Variants in PDE4D observed in about 807,000 individuals in gnomAD.
PDE4D encodes the protein phosphodiesterase 4D, also known as 3',5'-cyclic-AMP phosphodiesterase 4D.
A neutral mutation model predicts 87.4 loss-of-function variants in PDE4D; 24 were observed. The observed-to-expected ratio is 0.27, with a 90% CI of 0.20 to 0.39. The LOEUF (loss-of-function observed/expected upper bound fraction) is 0.39, where lower values mean the gene tolerates loss of function less well. PDE4D is among the 10% of genes least tolerant of loss of function. PDE4D has a pLI of 1.00. For synonymous variants in PDE4D, 384 were observed against 383.2 expected, an observed-to-expected ratio of 1.00 and a Z score of -0.02; for missense variants, 714 against 1,041.0, an observed-to-expected ratio of 0.69 and a Z score of 4.32.
intron 2 of PDE4D, among the ~76,000 whole-genome samples, chr5:60,038,415 G>A (rs144525737): frequency 0.02 from 3,100 of 152,098 alleles, 35 homozygotes; most frequent in Non-Finnish European, 0.026. Flanking sequence ...TCTCAGGTTC[G>A]TCAAAGATCA....
chr5:59,308,521 CT>C (rs1161762552), intron 1 of PDE4D, among the ~76,000 whole-genome samples: 1 of 151,896 alleles, frequency 6.6e-6, no homozygotes, highest in Non-Finnish European at 1.5e-5. Flanking sequence ...AAATTCTTGG[CT>C]GATAATTGTT....
At chr5:59,471,514 T>A (rs1252709467) in intron 1 of PDE4D, among the ~76,000 whole-genome samples, 1 of 152,246 alleles carries the variant, frequency 6.6e-6, no homozygotes, top group Admixed American at 6.5e-5. Flanking sequence ...GGGGTAAAGA[T>A]AAACTATTAA....
chr5:59,885,392 T>C (rs2152749034), intron 1 of PDE4D, among the ~76,000 whole-genome samples: 1 of 152,304 alleles, frequency 6.6e-6, no homozygotes, highest in Non-Finnish European at 1.5e-5. Context: ...CTTATCTGTC[T>C]GAAGTGTTGC....
At chr5:59,777,624 G>T (rs1187850938) in intron 1 of PDE4D, among the ~76,000 whole-genome samples, 1 of 152,132 alleles carries the variant, frequency 6.6e-6, no homozygotes, top group East Asian at 1.9e-4. Flanking sequence ...TGCTCCATAT[G>T]TATCTTGGCC....
chr5:59,558,878 A>G (rs1819447791), intron 1 of PDE4D: 1 of 152,230 alleles, frequency 6.6e-6, no homozygotes, highest in Non-Finnish European at 1.5e-5. Flanking sequence ...TGAATGTCCA[A>G]TTTTAGAAGT....
At chr5:59,668,849 GA>G (rs1381759401) in intron 1 of PDE4D, among the ~76,000 whole-genome samples, 579 of 35,566 alleles carry the variant, frequency 0.016, 14 homozygotes, top group African/African-American at 0.055. Context: ...GGAAGAGGAA[GA>G]AGAAGAAGAA....
At position 59,058,660 on chromosome 5, in the gene PDE4D, C is replaced by A. The variant is rs184355862; in HGVS notation, c.809-19689G>T. ...CCTCCCCTTGGAAATCTGGGTACTA[C>A]CCTCTACCGGGGGCTTTCCACTATG... On this transcript the variant is annotated intron_variant, in intron 5 of 14. Transcript: ENST00000340635. 1.3e-3 allele frequency among the ~76,000 whole-genome samples: 193 copies of A among 152,252 alleles called. 1 individual carries two copies. Among genetic ancestry groups the A allele is most frequent in the African/African-American group, 4.4e-3 (183 of 41,530 alleles).
chr5:60,298,337 GA>G (rs992608849), intron 1 of PDE4D, among the ~76,000 whole-genome samples: 2 of 151,850 alleles, frequency 1.3e-5, no homozygotes, highest in Non-Finnish European at 2.9e-5. Flanking sequence ...ATTTGGAAGA[GA>G]AAAAAAATCT....
chr5:60,267,159 T>G (rs1450254984), intron 1 of PDE4D, among the ~76,000 whole-genome samples: 1 of 152,000 alleles, frequency 6.6e-6, no homozygotes. Context: ...ACATTAGAAA[T>G]ATGATTGGGA....
chr5:60,371,057 T>C (rs1379668759), intron 1 of PDE4D, among the ~76,000 whole-genome samples: 3 of 152,168 alleles, frequency 2.0e-5, no homozygotes, highest in Non-Finnish European at 4.4e-5. Context: ...TATGATTTGA[T>C]TAAAATGATA....
intron 1 of PDE4D, among the ~76,000 whole-genome samples, chr5:59,436,158 T>G (rs573378819): frequency 1.3e-5 from 2 of 152,336 alleles, no homozygotes; most frequent in East Asian, 3.9e-4. Flanking sequence ...CTTTTCTTGT[T>G]AATCTACTCT....
intron 1 of PDE4D, among the ~76,000 whole-genome samples, chr5:59,631,517 G>A (rs1831557788): frequency 6.6e-6 from 1 of 152,134 alleles, no homozygotes; most frequent in Non-Finnish European, 1.5e-5. Flanking sequence ...ACAGAAGGCA[G>A]GTGATTTCAG....
chr5:60,331,931 G>C (rs546024841), intron 1 of PDE4D, among the ~76,000 whole-genome samples: 1 of 152,212 alleles, frequency 6.6e-6, no homozygotes, highest in Non-Finnish European at 1.5e-5. Flanking sequence ...GCCTTTTCTT[G>C]CTTTGAAACT....
At chr5:59,355,896 T>G (rs1036486009) in intron 1 of PDE4D, among the ~76,000 whole-genome samples, 5 of 152,172 alleles carry the variant, frequency 3.3e-5, no homozygotes, top group African/African-American at 1.2e-4. Context: ...TTAATATATA[T>G]TTCTACATAG....
At chr5:59,097,934 G>C (rs1174045270) in intron 5 of PDE4D, among the ~76,000 whole-genome samples, 1 of 152,142 alleles carries the variant, frequency 6.6e-6, no homozygotes, top group East Asian at 1.9e-4. Flanking sequence ...TGCAATGACA[G>C]ACAAGAAGAT....
intron 3 of PDE4D, among the ~76,000 whole-genome samples, chr5:59,941,050 C>A (rs986358157): frequency 1.3e-5 from 2 of 152,172 alleles, no homozygotes; most frequent in African/African-American, 4.8e-5. Context: ...ACTCTTCTTA[C>A]TCCCCCTACC....
At chr5:60,348,796 C>T (rs369754510) in intron 1 of PDE4D, among the ~76,000 whole-genome samples, 6 of 152,072 alleles carry the variant, frequency 3.9e-5, no homozygotes, top group African/African-American at 1.4e-4. Flanking sequence ...CATACTTTAA[C>T]TTCAGTATCC....
intron 1 of PDE4D, among the ~76,000 whole-genome samples, chr5:60,227,459 C>A (rs1745249542): frequency 6.6e-6 from 1 of 151,206 alleles, no homozygotes; most frequent in Non-Finnish European, 1.5e-5. Context: ...CTGGCTACAG[C>A]AGCATTCCAG....
chr5:59,498,819 C>T (rs1291396536), intron 1 of PDE4D, among the ~76,000 whole-genome samples: 1 of 151,898 alleles, frequency 6.6e-6, no homozygotes, highest in Admixed American at 6.6e-5. Flanking sequence ...TTCATGGCCA[C>T]CCAATAATAG....
Sources: allele counts gnomAD v4.1 joint callset (sites outside exome capture counted in the v4.1 genomes callset), GRCh38; gene constraint gnomAD v4.1.1; transcripts MANE v1.5; gene names NCBI Gene and HGNC (gene_info 2026-07-23, HGNC 2026-07-21).